The following ARHGAP10 variants were observed in gnomAD, a reference collection of about 807,000 sequenced individuals.
ARHGAP10 encodes Rho GTPase activating protein 10, also known as rho GTPase-activating protein 10.
In ARHGAP10, 87 loss-of-function variants were observed where a neutral mutation model predicts 108.6. The observed-to-expected ratio is 0.80, with a 90% confidence interval of 0.67 to 0.96. ARHGAP10 has a LOEUF of 0.96. Among genes scored for constraint, ARHGAP10 ranks in the 40% least tolerant of loss-of-function variants. The pLI, the probability that ARHGAP10 is intolerant of heterozygous loss-of-function variation, is 0.00. For missense variants in ARHGAP10, 939 were observed against 954.5 expected (o/e 0.98, Z 0.21); for synonymous variants, 347 against 341.1 (o/e 1.02, Z -0.19).
intron 13 of ARHGAP10, among the ~76,000 whole-genome samples, chr4:147,934,300 A>T (rs911671564): frequency 2.0e-5 from 3 of 152,114 alleles, no homozygotes; most frequent in African/African-American, 7.2e-5. Flanking sequence ...AGCCACCTGG[A>T]TGTTGGTCTG....
intron 10 of ARHGAP10, among the ~76,000 whole-genome samples, chr4:147,892,931 A>G (rs993517387): frequency 5.9e-5 from 9 of 152,234 alleles, no homozygotes; most frequent in African/African-American, 2.2e-4. Context: ...CCTCCAGGGC[A>G]CAGGGCAGGC....
At chr4:147,810,861 A>G (rs568016216) in intron 1 of ARHGAP10, among the ~76,000 whole-genome samples, 2 of 152,308 alleles carry the variant, frequency 1.3e-5, no homozygotes, top group South Asian at 2.1e-4. Context: ...CATTAACTCA[A>G]CAAATACTAA....
intron 15 of ARHGAP10, among the ~76,000 whole-genome samples, chr4:147,951,774 G>T (rs1738610404): frequency 6.6e-6 from 1 of 152,060 alleles, no homozygotes; most frequent in African/African-American, 2.4e-5. Flanking sequence ...GTTGTTTAAA[G>T]ACAGCTTTAT....
chr4:147,861,391 C>T (rs980304614), intron 5 of ARHGAP10: 1 of 152,568 alleles, frequency 6.6e-6, no homozygotes, highest in Non-Finnish European at 1.5e-5. Flanking sequence ...TAGGGAGCCC[C>T]TAGGTCTGGG....
At chr4:147,874,075 A>T (rs1734960257) in intron 7 of ARHGAP10, among the ~76,000 whole-genome samples, 1 of 151,894 alleles carries the variant, frequency 6.6e-6, no homozygotes, top group South Asian at 2.1e-4. Flanking sequence ...TTTACAATCT[A>T]CATTTATCAG....
intron 8 of ARHGAP10, among the ~76,000 whole-genome samples, chr4:147,877,494 T>A (rs1163757967): frequency 1.3e-5 from 2 of 152,212 alleles, no homozygotes; most frequent in Non-Finnish European, 2.9e-5. Context: ...TGGGCTTTTT[T>A]GATTTTTAGG....
intron 18 of ARHGAP10, among the ~76,000 whole-genome samples, chr4:147,979,134 T>C (rs1161286357): frequency 1.3e-5 from 2 of 152,230 alleles, no homozygotes; most frequent in Admixed American, 1.3e-4. Context: ...CCTAGGCGAC[T>C]ATCTGGAAGA....
In ARHGAP10 at chr4:147,732,389, GAGAGGACCAACAA is replaced by G; in HGVS notation, c.89_101del (p.Glu30GlyfsTer43). ...GATCCGCGCTCACGAAGCGGAACTC[GAGAGGACCAACAA>G]GTTCATCAAAGAGCTCATTAAGGAC... On this transcript the variant is annotated frameshift_variant, in exon 1 of 23. Coordinates refer to ENST00000336498, the MANE Select transcript of ARHGAP10 (RefSeq NM_024605.4). LOFTEE classifies it high-confidence loss of function. 6.2e-7 allele frequency: 1 copy of G among 1,613,578 alleles called. No homozygotes were observed. The highest frequency in any genetic ancestry group is 8.5e-7 in the Non-Finnish European group (1 of 1,179,674).
At chr4:148,043,652 T>TATATATATATATATATATATATA (rs1728740400) in intron 19 of ARHGAP10, among the ~76,000 whole-genome samples, 1 of 111,668 alleles carries the variant, frequency 9.0e-6, no homozygotes, top group Non-Finnish European at 1.9e-5. Context: ...TATATATATA[T>TATATATATATATATATATATATA]TTTAGGTGTA....
intron 5 of ARHGAP10, among the ~76,000 whole-genome samples, chr4:147,860,314 T>C (rs928167542): frequency 4.6e-5 from 7 of 152,070 alleles, no homozygotes; most frequent in Non-Finnish European, 1.0e-4. Context: ...TGGTGGCAGG[T>C]GCCTGCAGTC....
chr4:147,818,158 C>G (rs1579079251), intron 1 of ARHGAP10, among the ~76,000 whole-genome samples: 1 of 148,150 alleles, frequency 6.7e-6, no homozygotes, highest in African/African-American at 2.5e-5. Context: ...TTTTCTTCTT[C>G]TTTTTCTTTT....
chr4:147,950,130 C>A (rs1322976198), intron 15 of ARHGAP10, among the ~76,000 whole-genome samples: 1 of 152,124 alleles, frequency 6.6e-6, no homozygotes, highest in Non-Finnish European at 1.5e-5. Flanking sequence ...CACATTCTGC[C>A]TGAATGTGAT....
chr4:147,769,779 A>G (rs1729997573), intron 1 of ARHGAP10, among the ~76,000 whole-genome samples: 1 of 152,174 alleles, frequency 6.6e-6, no homozygotes, highest in Admixed American at 6.5e-5. Context: ...ACTATAGGAT[A>G]CTATCATGGA....
At chr4:148,021,819 G>A (rs1741578488) in intron 18 of ARHGAP10, among the ~76,000 whole-genome samples, 1 of 152,180 alleles carries the variant, frequency 6.6e-6, no homozygotes, top group African/African-American at 2.4e-5. Flanking sequence ...GAAACATGGT[G>A]TTGGCAGGTT....
intron 3 of ARHGAP10, among the ~76,000 whole-genome samples, chr4:147,836,284 G>A (rs62330696): frequency 6.6e-6 from 1 of 151,874 alleles, no homozygotes; most frequent in South Asian, 2.1e-4. Context: ...AGATATTCAG[G>A]GAATTAAATC....
chr4:147,828,693 G>A (rs1021853047), intron 3 of ARHGAP10, among the ~76,000 whole-genome samples: 1 of 152,060 alleles, frequency 6.6e-6, no homozygotes, highest in Non-Finnish European at 1.5e-5. Context: ...AAAGAGGGAA[G>A]GATATGTTTG....
intron 8 of ARHGAP10, among the ~76,000 whole-genome samples, chr4:147,877,231 T>G (rs2126865386): frequency 6.9e-6 from 1 of 145,584 alleles, no homozygotes; most frequent in Non-Finnish European, 1.5e-5. Context: ...GCAGTTTTTT[T>G]TTTCTTAGAG....
intron 10 of ARHGAP10, among the ~76,000 whole-genome samples, chr4:147,905,778 T>C (rs1736462230): frequency 6.6e-6 from 1 of 150,956 alleles, no homozygotes. Context: ...AGAAAGTCAT[T>C]GGTAGCTTGA....
intron 19 of ARHGAP10, among the ~76,000 whole-genome samples, chr4:148,028,202 C>T (rs532515946): frequency 2.0e-5 from 3 of 152,130 alleles, no homozygotes; most frequent in East Asian, 1.9e-4. Context: ...AGGGGAGTAG[C>T]GTGACTGAGG....
Sources: gnomAD v4.1 joint callset for allele counts (sites outside exome capture counted in the v4.1 genomes callset) on GRCh38, gnomAD v4.1.1 for gene constraint, MANE v1.5 for transcripts, NCBI Gene and HGNC (gene_info 2026-07-23, HGNC 2026-07-21) for gene names.